PDE4D: variants seen among roughly 807,000 people sequenced by gnomAD.
The protein encoded by PDE4D is phosphodiesterase 4D, also known as 3',5'-cyclic-AMP phosphodiesterase 4D.
PDE4D carries 24 observed loss-of-function variants against 87.4 expected under a neutral mutation model. The observed-to-expected ratio is 0.27, with a 90% CI of 0.20 to 0.39. The LOEUF (loss-of-function observed/expected upper bound fraction) is 0.39, where lower values mean the gene tolerates loss of function less well. PDE4D is among the 10% of genes least tolerant of loss of function. The pLI is 1.00. For missense variants in PDE4D, 714 were observed against 1,041.0 expected (o/e 0.69, Z 4.32); for synonymous variants, 384 against 383.2 (o/e 1.00, Z -0.02).
At chr5:59,279,506 C>A (rs1174490496) in intron 1 of PDE4D, among the ~76,000 whole-genome samples, 1 of 152,010 alleles carries the variant, frequency 6.6e-6, no homozygotes, top group Admixed American at 6.6e-5. Flanking sequence ...TTCTTAATTC[C>A]CAAAGGAGAA....
At chr5:59,636,544 A>G (rs1021983197) in intron 1 of PDE4D, among the ~76,000 whole-genome samples, 1 of 152,218 alleles carries the variant, frequency 6.6e-6, no homozygotes, top group Non-Finnish European at 1.5e-5. Flanking sequence ...TGCTACTGGT[A>G]CCAAAACAGG....
chr5:59,044,815 A>G lies in PDE4D; in HGVS notation c.809-5844T>C, dbSNP rs914731480. ...AAGCTTCCAAAGGAAAGATGTGTGC[A>G]ATTTTGTGACGGTTTTCTTTTTCTT... On this transcript the variant is annotated intron_variant, in intron 5 of 14. Coordinates refer to ENST00000340635, the MANE Select transcript of PDE4D (RefSeq NM_001104631.2). Among the ~76,000 whole-genome samples, 15 of 152,308 alleles carry G rather than the reference A, an allele frequency of 9.8e-5. No individual in the cohort carries two copies. The Middle Eastern group carries it at 0.01, about 104-fold the overall frequency.
intron 1 of PDE4D, among the ~76,000 whole-genome samples, chr5:60,272,270 C>T (rs1008658166): frequency 1.3e-5 from 2 of 152,224 alleles, no homozygotes; most frequent in Non-Finnish European, 2.9e-5. Context: ...GTCCAAAATT[C>T]TAGTGAAACA....
At chr5:59,072,725 G>A (rs1765050083) in intron 5 of PDE4D, among the ~76,000 whole-genome samples, 1 of 151,904 alleles carries the variant, frequency 6.6e-6, no homozygotes, top group Non-Finnish European at 1.5e-5. Context: ...TTGTTTTTTT[G>A]TTTTCTGTTT....
intron 1 of PDE4D, among the ~76,000 whole-genome samples, chr5:59,225,893 G>T (rs1418801934): frequency 1.3e-5 from 2 of 150,984 alleles, no homozygotes; most frequent in African/African-American, 4.9e-5. Flanking sequence ...ATGGCAAACA[G>T]GGATATGAAA....
chr5:59,187,117 A>G (rs2153481556), intron 3 of PDE4D, among the ~76,000 whole-genome samples: 1 of 152,304 alleles, frequency 6.6e-6, no homozygotes, highest in African/African-American at 2.4e-5. Context: ...CAGCTGGGTA[A>G]ATAGACATAG....
At chr5:59,859,544 A>G (rs1745948870) in intron 1 of PDE4D, among the ~76,000 whole-genome samples, 1 of 152,236 alleles carries the variant, frequency 6.6e-6, no homozygotes, top group Non-Finnish European at 1.5e-5. Flanking sequence ...TTTATAAGGT[A>G]AGATTATTCT....
At chr5:59,663,539 T>C (rs1745592232) in intron 1 of PDE4D, among the ~76,000 whole-genome samples, 1 of 152,196 alleles carries the variant, frequency 6.6e-6, no homozygotes, top group African/African-American at 2.4e-5. Context: ...AAATATTAAA[T>C]AATCATTTTA....
chr5:59,210,433 G>A (rs868425600), intron 2 of PDE4D, among the ~76,000 whole-genome samples: 13 of 152,160 alleles, frequency 8.5e-5, no homozygotes, highest in African/African-American at 2.7e-4. Context: ...ACACATTAGA[G>A]GCCCAAGAAG....
chr5:60,043,307 A>G (rs1768742086), intron 2 of PDE4D, among the ~76,000 whole-genome samples: 1 of 152,150 alleles, frequency 6.6e-6, no homozygotes, highest in Admixed American at 6.5e-5. Context: ...TGAAAAAAAC[A>G]AACTTACGTT....
intron 2 of PDE4D, among the ~76,000 whole-genome samples, chr5:60,052,914 A>T (rs1770344321): frequency 6.6e-6 from 1 of 152,228 alleles, no homozygotes; most frequent in Admixed American, 6.5e-5. Context: ...CAGAGAGCCA[A>T]ATCATGAGCA....
At chr5:60,247,024 T>G (rs1251746651) in intron 1 of PDE4D, among the ~76,000 whole-genome samples, 1 of 152,034 alleles carries the variant, frequency 6.6e-6, no homozygotes, top group Non-Finnish European at 1.5e-5. Flanking sequence ...TACAAATCCA[T>G]AGAGATGTGT....
chr5:59,545,194 T>C (rs967632671), intron 1 of PDE4D, among the ~76,000 whole-genome samples: 1 of 152,158 alleles, frequency 6.6e-6, no homozygotes, highest in Non-Finnish European at 1.5e-5. Context: ...AGATGGGAAC[T>C]CCATATTATT....
chr5:59,981,912 T>A (rs1288716966), intron 3 of PDE4D, among the ~76,000 whole-genome samples: 5 of 152,150 alleles, frequency 3.3e-5, no homozygotes, highest in African/African-American at 1.2e-4. Context: ...ATCTTTTTTT[T>A]AATGTTCTCT....
rs1166605383 is a variant in PDE4D, at chr5:59,862,998, A to G, written c.455+30170T>C. Among the ~76,000 whole-genome samples, 9 of 152,228 alleles carry G rather than the reference A, an allele frequency of 5.9e-5. No individual in the cohort carries two copies. The East Asian group carries it at 1.7e-3, about 29-fold the overall frequency. The stretch of plus-strand genomic sequence containing the variant: ...TTTTAATTATAAAAGAAAAAGCAGT[A>G]TATTTTCTAGGGAGGAAGAAGGTAA... On this transcript the variant is annotated intron_variant, in intron 1 of 14. Transcript: ENST00000340635.
At chr5:59,652,940 T>C (rs1020934709) in intron 1 of PDE4D, among the ~76,000 whole-genome samples, 2 of 152,182 alleles carry the variant, frequency 1.3e-5, no homozygotes, top group African/African-American at 4.8e-5. Flanking sequence ...ATCTTAGTAT[T>C]GCACAGCACA....
intron 1 of PDE4D, among the ~76,000 whole-genome samples, chr5:60,370,803 A>AAGAGAGAGGGAGGGAGAGAGAAAATG (rs1760962182): frequency 6.6e-6 from 1 of 151,548 alleles, no homozygotes; most frequent in Non-Finnish European, 1.5e-5. Context: ...ACTTGTGTGT[A>AAGAGAGAGGGAGGGAGAGAGAAAATG]AGAGAGAGGG....
intron 1 of PDE4D, among the ~76,000 whole-genome samples, chr5:60,372,166 G>A (rs1416149753): frequency 7.2e-6 from 1 of 139,596 alleles, no homozygotes; most frequent in African/African-American, 2.5e-5. Context: ...CCATCCTGAT[G>A]GATGTCAGAT....
intron 1 of PDE4D, among the ~76,000 whole-genome samples, chr5:59,582,262 G>T (rs1434537863): frequency 6.6e-6 from 1 of 152,066 alleles, no homozygotes; most frequent in Non-Finnish European, 1.5e-5. Flanking sequence ...TTCCTTCAAC[G>T]TATACATAGT....
Sources: gnomAD v4.1 joint callset for allele counts (sites outside exome capture counted in the v4.1 genomes callset) on GRCh38, gnomAD v4.1.1 for gene constraint, MANE v1.5 for transcripts, NCBI Gene and HGNC (gene_info 2026-07-23, HGNC 2026-07-21) for gene names.